The following APLF variants were observed in gnomAD, a reference collection of about 807,000 sequenced individuals.
APLF encodes aprataxin and PNKP like factor, also known as aprataxin and PNK-like factor.
Under a neutral mutation model 55.6 loss-of-function variants are expected in APLF, and 61 were observed. The observed-to-expected ratio is 1.10, with a 90% CI of 0.89 to 1.36. The LOEUF is 1.36. Ranked by LOEUF, APLF falls within the 40% of genes most tolerant of loss-of-function variation. APLF has a pLI of 0.00. For missense variants in APLF, 611 were observed against 602.5 expected, an observed-to-expected ratio of 1.01 and a Z score of -0.15; for synonymous variants, 207 against 214.8, an observed-to-expected ratio of 0.96 and a Z score of 0.32.
intron 1 of APLF, among the ~76,000 whole-genome samples, chr2:68,478,148 A>T (rs968269243): frequency 6.6e-6 from 1 of 152,160 alleles, no homozygotes; most frequent in Non-Finnish European, 1.5e-5. Context: ...CCCAAAAAGC[A>T]GAGAAAAATA....
intron 2 of APLF, among the ~76,000 whole-genome samples, chr2:68,490,988 G>A (rs1676341203): frequency 6.6e-6 from 1 of 151,992 alleles, no homozygotes; most frequent in South Asian, 2.1e-4. Context: ...ATATACCACT[G>A]CCTGTTAAAT....
chr2:68,556,418 C>T (rs949463642), intron 8 of APLF, among the ~76,000 whole-genome samples: 4 of 152,188 alleles, frequency 2.6e-5, no homozygotes, highest in Admixed American at 1.3e-4. Flanking sequence ...GTGCTGTCCA[C>T]TGCTGTTTAT....
At chr2:68,491,253 G>A (rs1327704028) in intron 2 of APLF, among the ~76,000 whole-genome samples, 1 of 152,142 alleles carries the variant, frequency 6.6e-6, no homozygotes, top group Non-Finnish European at 1.5e-5. Context: ...AGGAGCCACT[G>A]TATTTACCAT....
intron 5 of APLF, among the ~76,000 whole-genome samples, chr2:68,514,905 A>G (rs1466842717): frequency 6.6e-6 from 1 of 151,824 alleles, no homozygotes; most frequent in Non-Finnish European, 1.5e-5. Context: ...TGAATTTACA[A>G]TGATTTTATT....
At chr2:68,547,062 A>G (rs995166333) in intron 8 of APLF, among the ~76,000 whole-genome samples, 64 of 151,974 alleles carry the variant, frequency 4.2e-4, no homozygotes, top group East Asian at 3.5e-3. Flanking sequence ...ACAAAAATCA[A>G]TATATAAAAC....
chr2:68,468,245 G>T (rs1675495089), intron 1 of APLF, among the ~76,000 whole-genome samples: 1 of 152,224 alleles, frequency 6.6e-6, no homozygotes, highest in South Asian at 2.1e-4. Context: ...TTACAGTAGT[G>T]TCTGGTCCTT....
Position 68,513,601 on chromosome 2 carries a change from G to C in APLF, c.543G>C (p.Glu181Asp), listed in dbSNP as rs927725760. 1.9e-6 allele frequency: 3 copies of C among 1,611,532 alleles called. No individual in the cohort carries two copies. Among genetic ancestry groups the C allele is most frequent in the Admixed American group, 1.7e-5 (1 of 59,744 alleles). The change falls in exon 5 of 10, where the codon GAG becomes GAC. Residue 181 changes from glutamate to aspartate, a missense_variant. Glu to Asp is a conservative substitution (Grantham distance 45, BLOSUM62 2). Transcript: ENST00000303795. The stretch of plus-strand genomic sequence containing the variant: ...ATAAGCAGCAGCCAATCCTTGCCGA[G>C]AGGAAAAGAATCCTTCCAACTTGGA... ...DCNKQQPILA[E>D]RKRILPTWML...
chr2:68,552,834 T>G (rs965180291), intron 8 of APLF, among the ~76,000 whole-genome samples: 1 of 152,146 alleles, frequency 6.6e-6, no homozygotes, highest in African/African-American at 2.4e-5. Flanking sequence ...TAGATACGTG[T>G]AGATGTATAC....
chr2:68,467,753 C>T lies in APLF; in HGVS notation c.22C>T (p.Gln8Ter). The T allele has an allele frequency of 5.7e-6, 7 of 1,234,904 alleles. No homozygotes were observed. The highest frequency in any genetic ancestry group is 6.1e-6 in the Non-Finnish European group (6 of 988,046). The allele number at this position is 1,234,904 out of a possible 1,614,324, so 76.5% of individuals were successfully genotyped here. Reference protein sequence around the residue: MSGGFELQPRDGGPRVAL... With the variant: MSGGFEL ...CGCCATGTCCGGGGGCTTCGAGCTG[C>T]AGCCGCGGGACGGCGGTCCCCGGGT... Residue 8 changes from glutamine (Q) to a stop codon, truncating the protein, a stop_gained, in exon 1 of 10, where the codon CAG becomes TAG. Coordinates refer to ENST00000303795, the MANE Select transcript of APLF (RefSeq NM_173545.3). LOFTEE classifies it high-confidence loss of function.
intron 7 of APLF, among the ~76,000 whole-genome samples, chr2:68,541,463 A>G (rs888411931): frequency 6.6e-6 from 1 of 152,214 alleles, no homozygotes; most frequent in African/African-American, 2.4e-5. Context: ...TAAGAAAAAA[A>G]AATGAGCAAA....
intron 4 of APLF, 59 bp from the exon 5 acceptor site, chr2:68,513,489 T>A: frequency 1.3e-6 from 2 of 1,567,152 alleles, no homozygotes; most frequent in Non-Finnish European, 1.7e-6. Flanking sequence ...AAAGCAGATA[T>A]TTTGCAAATT....
At chr2:68,567,844 T>A (rs1289321838) in intron 9 of APLF, among the ~76,000 whole-genome samples, 2 of 152,152 alleles carry the variant, frequency 1.3e-5, no homozygotes, top group African/African-American at 4.8e-5. Context: ...AACGAGGGAC[T>A]TTATGTGTCC....
intron 5 of APLF, among the ~76,000 whole-genome samples, chr2:68,521,459 G>T (rs1669895612): frequency 6.6e-6 from 1 of 151,786 alleles, no homozygotes; most frequent in African/African-American, 2.4e-5. Flanking sequence ...TATGTCTCAG[G>T]TACTAGTTCT....
chr2:68,568,528 G>A (rs1671369263), intron 9 of APLF, among the ~76,000 whole-genome samples: 1 of 152,078 alleles, frequency 6.6e-6, no homozygotes, highest in African/African-American at 2.4e-5. Flanking sequence ...ATATCTCATG[G>A]TGTGGCAGTT....
At chr2:68,490,284 A>AT in intron 2 of APLF, 23 bp downstream of exon 2, 1 of 1,600,210 alleles carries the variant, frequency 6.2e-7, no homozygotes, top group Non-Finnish European at 8.5e-7. Context: ...TTAATGATTC[A>AT]TTTTAACTTT....
At chr2:68,528,044 C>A (rs1445416379) in intron 6 of APLF, among the ~76,000 whole-genome samples, 3 of 151,934 alleles carry the variant, frequency 2.0e-5, no homozygotes, top group African/African-American at 7.3e-5. Flanking sequence ...AGGCGCTCCT[C>A]ACTGCCCAGA....
chr2:68,578,247 A>C lies in APLF; in HGVS notation c.*225A>C. ...TTCTTTCCTACTTAAAGCATCTGGAAATAGGAAGACAGAGAAGGTAGAGTA... is the reference window on the plus strand; with the variant it reads ...TTCTTTCCTACTTAAAGCATCTGGACATAGGAAGACAGAGAAGGTAGAGTA... On this transcript the variant is annotated 3_prime_UTR_variant, in exon 10 of 10. Coordinates refer to ENST00000303795, the MANE Select transcript of APLF (RefSeq NM_173545.3). 1 of 1,281,916 alleles carries C rather than the reference A, an allele frequency of 7.8e-7. No homozygotes were observed. The highest frequency in any genetic ancestry group is 1.9e-5 in the South Asian group (1 of 52,220). 79.4% of individuals were successfully genotyped at this position (1,281,916 alleles called of 1,614,324 possible). A position where few individuals can be genotyped will look rare whatever the true frequency, so the allele number is the denominator to read the frequency against.
intron 1 of APLF, among the ~76,000 whole-genome samples, chr2:68,480,964 C>G (rs1244876566): frequency 6.6e-6 from 1 of 152,150 alleles, no homozygotes; most frequent in Non-Finnish European, 1.5e-5. Flanking sequence ...ATAAATTTCA[C>G]TTGATCATGG....
chr2:68,521,910 T>G (rs1669908576), intron 5 of APLF, among the ~76,000 whole-genome samples: 1 of 152,012 alleles, frequency 6.6e-6, no homozygotes, highest in Non-Finnish European at 1.5e-5. Context: ...CAAAATGTAC[T>G]TACATTTATG....
Sources: allele counts gnomAD v4.1 joint callset (sites outside exome capture counted in the v4.1 genomes callset), GRCh38; gene constraint gnomAD v4.1.1; transcripts MANE v1.5; gene names NCBI Gene and HGNC (gene_info 2026-07-23, HGNC 2026-07-21).